ST3GAL3: variants seen among roughly 807,000 people sequenced by gnomAD.
ST3GAL3 encodes ST3 beta-galactoside alpha-2,3-sialyltransferase 3.
Under a neutral mutation model 50.1 loss-of-function variants are expected in ST3GAL3, and 21 were observed. That is an observed-to-expected ratio of 0.42 (90% confidence interval 0.30 to 0.60). The LOEUF (loss-of-function observed/expected upper bound fraction) is 0.60, where lower values mean the gene tolerates loss of function less well. Ranked by LOEUF, ST3GAL3 falls within the 20% of genes least tolerant of loss-of-function variation. The probability of loss-of-function intolerance (pLI) is 0.19; values close to 1 mark genes in which losing one functional copy is unlikely to be tolerated. For synonymous variants in ST3GAL3, 183 were observed against 190.0 expected, an observed-to-expected ratio of 0.96 and a Z score of 0.30; for missense variants, 353 against 489.4, an observed-to-expected ratio of 0.72 and a Z score of 2.63.
intron 2 of ST3GAL3, among the ~76,000 whole-genome samples, chr1:43,755,166 A>G (rs1687590910): frequency 1.3e-5 from 2 of 152,214 alleles, no homozygotes; most frequent in South Asian, 2.1e-4. Flanking sequence ...CTGCAAATCA[A>G]GAAGAAAAAG....
intron 3 of ST3GAL3, 58 bp downstream of exon 3, chr1:43,792,207 G>C (rs2058169002): frequency 6.2e-7 from 1 of 1,607,614 alleles, no homozygotes; most frequent in East Asian, 2.2e-5. Context: ...CATATTTTTT[G>C]TGAAGCCTAA....
chr1:43,723,892 G>T (rs1330027400), intron 1 of ST3GAL3, among the ~76,000 whole-genome samples: 1 of 151,998 alleles, frequency 6.6e-6, no homozygotes, highest in Non-Finnish European at 1.5e-5. Flanking sequence ...GATTACAGGC[G>T]TGAGCCACTG....
intron 5 of ST3GAL3, among the ~76,000 whole-genome samples, chr1:43,890,329 C>G (rs1349455468): frequency 1.3e-5 from 2 of 152,104 alleles, no homozygotes; most frequent in African/African-American, 4.8e-5. Flanking sequence ...TTGAAAATTG[C>G]TGAATCTGGG....
At chr1:43,825,896 C>T (rs2062733387) in intron 4 of ST3GAL3, among the ~76,000 whole-genome samples, 1 of 151,836 alleles carries the variant, frequency 6.6e-6, no homozygotes, top group Non-Finnish European at 1.5e-5. Flanking sequence ...AATTGATAAA[C>T]CTAGAGCCAA....
chr1:43,725,657 A>AT (rs1672610168), intron 1 of ST3GAL3, among the ~76,000 whole-genome samples: 1 of 151,724 alleles, frequency 6.6e-6, no homozygotes, highest in East Asian at 1.9e-4. Flanking sequence ...TAATTAATTA[A>AT]TTTTTTTGAG....
rs1259340831 is a variant in ST3GAL3 at position 43,792,168 on chromosome 1, C to T, written c.166+19C>T. ...GGCTCAGGTACCAACTCTTCCCCCTCTATCATCTTTTTGGCCTTCAATATT... is the reference window on the plus strand; with the variant it reads ...GGCTCAGGTACCAACTCTTCCCCCTTTATCATCTTTTTGGCCTTCAATATT... On this transcript the variant is annotated intron_variant, in intron 3 of 11. Coordinates refer to ENST00000347631, the MANE Select transcript of ST3GAL3 (RefSeq NM_006279.5). The T allele has an allele frequency of 6.2e-7, 1 of 1,614,100 alleles. No individual in the cohort carries two copies. The highest frequency in any genetic ancestry group is 8.5e-7 in the Non-Finnish European group (1 of 1,180,032).
In ST3GAL3 at chr1:43,851,458, T is replaced by A. The variant is rs2067290483; in HGVS notation, c.302+13147T>A. On this transcript the variant is annotated intron_variant, in intron 5 of 11. Transcript: ENST00000347631. ...TGCAGGGCTCGCTTCTGACAGAGGG[T>A]CTCCAGCTCATGAGTAAAGTCAGTC... The A allele has an allele frequency of 3.7e-6, 6 of 1,608,478 alleles. No homozygotes were observed. The East Asian group carries it at 1.3e-4, about 36-fold the overall frequency.
intron 5 of ST3GAL3, among the ~76,000 whole-genome samples, chr1:43,860,993 C>G (rs1392462423): frequency 1.3e-5 from 2 of 152,186 alleles, no homozygotes; most frequent in African/African-American, 2.4e-5. Flanking sequence ...ACCACCTGGC[C>G]TCACCGCTGT....
chr1:43,870,987 C>A lies in ST3GAL3; in HGVS notation c.303-23396C>A, dbSNP rs894047184. Among the ~76,000 whole-genome samples, 5 of 152,264 alleles carry A rather than the reference C, an allele frequency of 3.3e-5. No individual in the cohort carries two copies. The East Asian group carries it at 5.8e-4, about 18-fold the overall frequency. ...CCGAGGTAAGGATTCTGAGAAGTAA[C>A]CCCTGTGCCAGAAAGCTTGGCCCAG... On this transcript the variant is annotated intron_variant, in intron 5 of 11. Transcript: ENST00000347631.
rs367926299 is a variant in ST3GAL3 at position 43,824,899 on chromosome 1, C to T, written c.209+9966C>T. 29 of 745,766 alleles carry T rather than the reference C, an allele frequency of 3.9e-5. No individual in the cohort carries two copies. Among genetic ancestry groups the T allele is most frequent in the Admixed American group, 2.2e-4 (11 of 50,256 alleles). The allele number at this position is 745,766 out of a possible 1,614,324, so 46.2% of individuals were successfully genotyped here. A position where few individuals can be genotyped will look rare whatever the true frequency, so the allele number is the denominator to read the frequency against. The stretch of plus-strand genomic sequence containing the variant: ...GATTTTTAAAGCTGCCCAGGTGAGT[C>T]TAATATGCAGCCAAATTGAGAACCA... On this transcript the variant is annotated intron_variant, in intron 4 of 11. Transcript: ENST00000347631.
At chr1:43,806,762 T>C (rs950878243) in intron 3 of ST3GAL3, among the ~76,000 whole-genome samples, 2 of 152,210 alleles carry the variant, frequency 1.3e-5, no homozygotes, top group Non-Finnish European at 2.9e-5. Flanking sequence ...CAGTCATGGC[T>C]CACTGTAGCC....
chr1:43,767,837 AG>A (rs1354819458), intron 2 of ST3GAL3, among the ~76,000 whole-genome samples: 4 of 151,634 alleles, frequency 2.6e-5, no homozygotes, highest in Admixed American at 2.0e-4. Context: ...AAAAAAAAAA[AG>A]AAAATATCAA....
chr1:43,786,651 G>T (rs2057375593), intron 2 of ST3GAL3, among the ~76,000 whole-genome samples: 1 of 152,032 alleles, frequency 6.6e-6, no homozygotes. Context: ...CATTTCATTT[G>T]TTTGGTTGTT....
chr1:43,756,481 A>G (rs1688161205), intron 2 of ST3GAL3, among the ~76,000 whole-genome samples: 1 of 152,176 alleles, frequency 6.6e-6, no homozygotes, highest in Non-Finnish European at 1.5e-5. Context: ...TATAAAGTTG[A>G]TAAGAAAAAG....
At chr1:43,889,189 G>T (rs1473942458) in intron 5 of ST3GAL3, among the ~76,000 whole-genome samples, 1 of 126,868 alleles carries the variant, frequency 7.9e-6, no homozygotes, top group Non-Finnish European at 1.7e-5. Context: ...AGTGAATAAA[G>T]AAGGGAACAG....
chr1:43,870,259 G>A (rs938169178), intron 5 of ST3GAL3, among the ~76,000 whole-genome samples: 1 of 152,242 alleles, frequency 6.6e-6, no homozygotes, highest in Non-Finnish European at 1.5e-5. Context: ...GAGCGAGGTG[G>A]TGATAATTAT....
rs1679017345 is a variant in ST3GAL3, at chr1:43,737,488, C to T, written c.118+1108C>T. 6.6e-6 allele frequency: 1 copy of T among 152,192 alleles called. No homozygotes were observed. Among genetic ancestry groups the T allele is most frequent in the African/African-American group, 2.4e-5 (1 of 41,442 alleles). 9.4% of individuals were successfully genotyped at this position (152,192 alleles called of 1,614,324 possible). ...CAGTTTTTAAAATATAGTGTTATAT[C>T]CTTAATTTACTGTTTTATATAGAAT... On this transcript the variant is annotated intron_variant, in intron 2 of 11. Transcript: ENST00000347631. This position sits in a 1 kb window ranked among gnomAD's most constrained non-coding sequence, Gnocchi z 4.0.
At chr1:43,906,468 C>A (rs2079728809) in intron 9 of ST3GAL3, among the ~76,000 whole-genome samples, 1 of 110,368 alleles carries the variant, frequency 9.1e-6, no homozygotes, top group Non-Finnish European at 1.9e-5. Flanking sequence ...TCCCACCACT[C>A]TCCCCTCTCC....
chr1:43,857,809 T>G (rs558356786), intron 5 of ST3GAL3, among the ~76,000 whole-genome samples: 24 of 151,936 alleles, frequency 1.6e-4, no homozygotes, highest in African/African-American at 5.8e-4. Flanking sequence ...AGAAGCGGGG[T>G]TTCACCATGA....
Sources: allele counts gnomAD v4.1 joint callset (sites outside exome capture counted in the v4.1 genomes callset), GRCh38; gene constraint gnomAD v4.1.1; non-coding constraint Gnocchi (gnomAD v3.1); transcripts MANE v1.5; gene names NCBI Gene and HGNC (gene_info 2026-07-23, HGNC 2026-07-21).